The following ITPR1 variants were observed in gnomAD, a reference collection of about 807,000 sequenced individuals.
ITPR1 encodes the protein inositol 1,4,5-trisphosphate receptor type 1.
In ITPR1, 96 loss-of-function variants were observed where a neutral mutation model predicts 318.4. The observed-to-expected ratio is 0.30, with a 90% CI of 0.26 to 0.36. The LOEUF (loss-of-function observed/expected upper bound fraction) is 0.36. ITPR1 is among the 10% of genes least tolerant of loss of function. The probability of loss-of-function intolerance (pLI) is 1.00; values close to 1 mark genes in which losing one functional copy is unlikely to be tolerated. For synonymous variants in ITPR1, 1,312 were observed against 1,289.9 expected (o/e 1.02, Z -0.37); for missense variants, 2,440 against 3,460.2 (o/e 0.71, Z 7.40).
At chr3:4,619,870 TC>T (rs1455385578) in intron 4 of ITPR1, among the ~76,000 whole-genome samples, 9 of 145,110 alleles carry the variant, frequency 6.2e-5, no homozygotes, top group African/African-American at 2.3e-4. Flanking sequence ...TTTTTCCTCT[TC>T]CCCTTCCATT....
chr3:4,645,249 A>G, intron 8 of ITPR1, 138 bp from the exon 9 acceptor site: 1 of 678,668 alleles, frequency 1.5e-6, no homozygotes, highest in Non-Finnish European at 2.7e-6. Flanking sequence ...AGGTGCTGTG[A>G]TTTTAGTGGC....
chr3:4,622,554 G>T (rs1156697078), intron 4 of ITPR1, among the ~76,000 whole-genome samples: 1 of 151,700 alleles, frequency 6.6e-6, no homozygotes, highest in East Asian at 1.9e-4. Flanking sequence ...CTCCTGAGTA[G>T]CTGGGACTAC....
intron 51 of ITPR1, among the ~76,000 whole-genome samples, chr3:4,785,129 A>C (rs1414754833): frequency 6.6e-6 from 1 of 152,224 alleles, no homozygotes; most frequent in Non-Finnish European, 1.5e-5. Flanking sequence ...ACAAACAAAA[A>C]AACAAAGCCT....
At chr3:4,789,082 C>T (rs1036592332) in intron 52 of ITPR1, among the ~76,000 whole-genome samples, 5 of 152,176 alleles carry the variant, frequency 3.3e-5, no homozygotes, top group African/African-American at 1.2e-4. Flanking sequence ...TAAGGTGGTG[C>T]AAGAAGGTTC....
At chr3:4,799,867 G>A (rs112914089) in intron 53 of ITPR1, 1 of 152,334 alleles carries the variant, frequency 6.6e-6, no homozygotes, top group Non-Finnish European at 1.5e-5. Flanking sequence ...TCAGGCAGGG[G>A]ACCTGCAGTT....
intron 60 of ITPR1, among the ~76,000 whole-genome samples, chr3:4,833,847 A>C (rs1400402113): frequency 6.6e-6 from 1 of 152,000 alleles, no homozygotes; most frequent in East Asian, 1.9e-4. Flanking sequence ...CTTGGACACT[A>C]CTCTCTCTAC....
chr3:4,591,945 G>C (rs1041318948), intron 4 of ITPR1, among the ~76,000 whole-genome samples: 1 of 152,236 alleles, frequency 6.6e-6, no homozygotes, highest in East Asian at 1.9e-4. Context: ...AGATTGAAAG[G>C]GCTTTTCAGT....
chr3:4,784,758 G>C (rs968293545), intron 51 of ITPR1, among the ~76,000 whole-genome samples: 1 of 151,114 alleles, frequency 6.6e-6, no homozygotes, highest in African/African-American at 2.4e-5. Context: ...TTAGCCAGGC[G>C]TGGTGGCACA....
chr3:4,714,683 C>A (rs2041636141), intron 39 of ITPR1, among the ~76,000 whole-genome samples: 1 of 152,206 alleles, frequency 6.6e-6, no homozygotes, highest in South Asian at 2.1e-4. Flanking sequence ...AAGCGATAAT[C>A]CTTAAAGATG....
chr3:4,766,590 T>C lies in ITPR1; in HGVS notation c.5605T>C (p.Tyr1869His). 6.2e-7 allele frequency: 1 copy of C among 1,613,894 alleles called. No homozygotes were observed. The change falls in exon 45 of 62, where the codon TAT (tyrosine) becomes CAT (histidine). Residue 1869 changes from tyrosine to histidine, a missense_variant. Tyr to His is a moderately conservative substitution (Grantham distance 83). Around this residue, in one of 23 missense-constraint regions of ITPR1, gnomAD observed 80 missense variants for 122.0 expected, o/e 0.66. Transcript: ENST00000649015. ...KKSEKFFKVF[Y>H]DRMKVAQQEI... ...GTCAGAGAAATTCTTTAAGGTGTTT[T>C]ATGACCGGATGAAGGTGGCCCAGCA...
At chr3:4,751,385 C>T (rs1305346464) in intron 44 of ITPR1, 1 of 152,178 alleles carries the variant, frequency 6.6e-6, no homozygotes, top group East Asian at 1.9e-4. Flanking sequence ...TGGCCCCCTG[C>T]ACCCTGGCCG....
chr3:4,814,121 A>G (rs2049123069), intron 57 of ITPR1, among the ~76,000 whole-genome samples: 1 of 152,178 alleles, frequency 6.6e-6, no homozygotes, highest in African/African-American at 2.4e-5. Context: ...ATCTGACATG[A>G]AAAGACTGTT....
chr3:4,670,989 G>T (rs2094065764), intron 20 of ITPR1, 63 bp downstream of exon 20: 2 of 1,228,964 alleles, frequency 1.6e-6, no homozygotes, highest in Non-Finnish European at 1.1e-6. Flanking sequence ...TTAGGAATTT[G>T]TTGCTCGTTT....
intron 4 of ITPR1, among the ~76,000 whole-genome samples, chr3:4,579,243 A>G (rs2089035226): frequency 6.6e-6 from 1 of 152,216 alleles, no homozygotes; most frequent in African/African-American, 2.4e-5. Context: ...CAGTACATGC[A>G]TAGTACCTAG....
intron 44 of ITPR1, among the ~76,000 whole-genome samples, chr3:4,755,653 C>T (rs759589908): frequency 1.3e-5 from 2 of 152,278 alleles, no homozygotes; most frequent in Admixed American, 6.5e-5. Context: ...GAGCTTAGGC[C>T]GTTCCCCAGA....
chr3:4,708,110 A>T (rs566227740), intron 37 of ITPR1, among the ~76,000 whole-genome samples: 4 of 152,202 alleles, frequency 2.6e-5, no homozygotes, highest in Admixed American at 6.5e-5. Context: ...TGCTGAGGAA[A>T]GTAACATTTT....
chr3:4,819,368 T>C (rs1411003097), intron 60 of ITPR1, among the ~76,000 whole-genome samples: 1 of 152,242 alleles, frequency 6.6e-6, no homozygotes, highest in African/African-American at 2.4e-5. Flanking sequence ...AATTTTATTG[T>C]ACATATGAAT....
intron 5 of ITPR1, among the ~76,000 whole-genome samples, chr3:4,638,254 G>A (rs898700932): frequency 5.3e-5 from 8 of 152,154 alleles, no homozygotes; most frequent in Non-Finnish European, 1.0e-4. Context: ...CTTATCATCA[G>A]GGTTTTACCA....
chr3:4,807,764 A>G (rs973833619), intron 55 of ITPR1, among the ~76,000 whole-genome samples: 29 of 152,274 alleles, frequency 1.9e-4, no homozygotes, highest in Admixed American at 1.8e-3. Flanking sequence ...GATTCCCATT[A>G]TGTCGCCTAT....
Sources: allele counts gnomAD v4.1 joint callset (sites outside exome capture counted in the v4.1 genomes callset), GRCh38; gene constraint gnomAD v4.1.1; regional missense constraint gnomAD v4.1.1; transcripts MANE v1.5; gene names NCBI Gene and HGNC (gene_info 2026-07-23, HGNC 2026-07-21).